Variants in PVT1 observed in about 807,000 individuals in gnomAD.
The protein encoded by PVT1 is Pvt1 oncogene.
In PVT1 at chr8:128,038,537, C is replaced by T. The variant is rs78328105; in HGVS notation, n.913-31623C>T. On this transcript the variant is annotated intron_variant and non_coding_transcript_variant, in intron 4 of 10. Transcript: ENST00000651587. ...ACGTGAATGGGCTTGAGGGTGCTGG[C>T]CTCTGGAGTAACAAGCCTCTGTAAA... is the stretch of plus-strand genomic sequence containing the variant. Among the ~76,000 whole-genome samples the T allele has an allele frequency of 6.5e-3, 992 of 152,266 alleles. 11 individuals are homozygous for T. Among genetic ancestry groups the T allele is most frequent in the East Asian group, 0.044 (228 of 5,170 alleles).
chr8:128,090,235 T>C (rs1814333354), intron 5 of PVT1, among the ~76,000 whole-genome samples: 1 of 152,216 alleles, frequency 6.6e-6, no homozygotes, highest in Admixed American at 6.5e-5. Context: ...CTGGAGTTTT[T>C]ACTTTCAAAT....
chr8:127,796,576 C>T (rs1050974664), intron 2 of PVT1, among the ~76,000 whole-genome samples: 20 of 152,246 alleles, frequency 1.3e-4, no homozygotes, highest in South Asian at 4.1e-4. Flanking sequence ...AAGATGGACA[C>T]GTTTCTCTGG....
intron 2 of PVT1, among the ~76,000 whole-genome samples, chr8:127,861,977 G>A (rs989718350): frequency 6.6e-6 from 1 of 152,128 alleles, no homozygotes; most frequent in Non-Finnish European, 1.5e-5. Flanking sequence ...GAATTTAATA[G>A]GGTCTTGATG....
At chr8:128,013,291 T>C (rs1339238424) in intron 4 of PVT1, among the ~76,000 whole-genome samples, 1 of 152,238 alleles carries the variant, frequency 6.6e-6, no homozygotes, top group African/African-American at 2.4e-5. Context: ...GTTGAATAGT[T>C]AGGGTTCCAC....
intron 2 of PVT1, among the ~76,000 whole-genome samples, chr8:127,880,764 C>G (rs1473238903): frequency 3.9e-5 from 6 of 152,010 alleles, no homozygotes; most frequent in Admixed American, 3.3e-4. Context: ...CCATGACTGG[C>G]TAATTTTTTG....
At position 128,089,784 on chromosome 8, in the gene PVT1, C is replaced by T. The variant is rs1281128369; in HGVS notation, n.1115-6734C>T. On this transcript the variant is annotated intron_variant and non_coding_transcript_variant, in intron 5 of 10. Transcript: ENST00000651587. ...TGCAGACAAACCAGGAGGATTTCCA[C>T]AGGGAAGCTGAAAGGGGAAAACAAC... is the stretch of plus-strand genomic sequence containing the variant. 1.3e-5 allele frequency among the ~76,000 whole-genome samples: 2 copies of T among 152,128 alleles called. 1 individual carries two copies. Among genetic ancestry groups the T allele is most frequent in the Admixed American group, 1.3e-4 (2 of 15,280 alleles).
intron 3 of PVT1, among the ~76,000 whole-genome samples, chr8:127,910,788 A>G (rs904375948): frequency 2.0e-5 from 3 of 152,174 alleles, no homozygotes; most frequent in African/African-American, 4.8e-5. Flanking sequence ...TATAATGTCT[A>G]ATGTCACACT....
At chr8:128,063,094 T>C (rs1813852108) in intron 4 of PVT1, among the ~76,000 whole-genome samples, 1 of 152,232 alleles carries the variant, frequency 6.6e-6, no homozygotes, top group Non-Finnish European at 1.5e-5. Flanking sequence ...TGAATTAGTT[T>C]ACCCTTTCTT....
chr8:127,842,256 A>ATTT (rs11347742), intron 2 of PVT1, among the ~76,000 whole-genome samples: 1 of 140,864 alleles, frequency 7.1e-6, no homozygotes, highest in Non-Finnish European at 1.5e-5. Context: ...ACTGCTCTGG[A>ATTT]TTTTTTTTTT....
chr8:128,023,543 A>G (rs1202564930), intron 4 of PVT1, among the ~76,000 whole-genome samples: 1 of 152,218 alleles, frequency 6.6e-6, no homozygotes, highest in African/African-American at 2.4e-5. Context: ...CTGCCAGGGC[A>G]TGGGTTGGTT....
chr8:127,877,801 C>T (rs994384431), intron 2 of PVT1, among the ~76,000 whole-genome samples: 4 of 152,010 alleles, frequency 2.6e-5, no homozygotes, highest in Admixed American at 1.3e-4. Context: ...TGGCTCGCAC[C>T]CGTAGTCCCA....
chr8:127,908,758 G>T (rs1815854604), intron 3 of PVT1, among the ~76,000 whole-genome samples: 3 of 152,194 alleles, frequency 2.0e-5, no homozygotes, highest in South Asian at 4.1e-4. Context: ...GTCGGATGGA[G>T]GAACTCCTTG....
intron 4 of PVT1, among the ~76,000 whole-genome samples, chr8:128,002,337 T>C (rs990299240): frequency 6.6e-6 from 1 of 152,178 alleles, no homozygotes; most frequent in Non-Finnish European, 1.5e-5. Flanking sequence ...GTGTGACATT[T>C]TCCTCCCATT....
intron 4 of PVT1, among the ~76,000 whole-genome samples, chr8:128,027,806 C>G (rs756350797): frequency 6.6e-6 from 1 of 152,198 alleles, no homozygotes; most frequent in Non-Finnish European, 1.5e-5. Flanking sequence ...CAATGAATTT[C>G]CCAGAATGCA....
At chr8:128,066,040 T>A (rs1317438636) in intron 4 of PVT1, among the ~76,000 whole-genome samples, 1 of 152,182 alleles carries the variant, frequency 6.6e-6, no homozygotes, top group African/African-American at 2.4e-5. Flanking sequence ...ACAATTACTA[T>A]GAAGAAAATA....
intron 2 of PVT1, among the ~76,000 whole-genome samples, chr8:127,869,094 G>T (rs1425154513): frequency 6.6e-6 from 1 of 151,892 alleles, no homozygotes. Context: ...TTTATAAGCA[G>T]TTGTTAGTAA....
At chr8:127,884,598 CG>C (rs1815504385) in intron 2 of PVT1, among the ~76,000 whole-genome samples, 1 of 152,202 alleles carries the variant, frequency 6.6e-6, no homozygotes, top group African/African-American at 2.4e-5. Flanking sequence ...TTCACCAGCA[CG>C]TATGAATTCC....
intron 2 of PVT1, among the ~76,000 whole-genome samples, chr8:127,827,862 G>T (rs562830592): frequency 2.0e-4 from 30 of 152,130 alleles, no homozygotes; most frequent in South Asian, 4.2e-4. Flanking sequence ...CTTCATTCTG[G>T]CCCGAAGCCC....
intron 2 of PVT1, among the ~76,000 whole-genome samples, chr8:127,843,381 G>A (rs1814994209): frequency 6.6e-6 from 1 of 152,122 alleles, no homozygotes. Flanking sequence ...TAATATGGTT[G>A]GAAGAGGTTT....
Sources: allele counts gnomAD v4.1 joint callset (sites outside exome capture counted in the v4.1 genomes callset), GRCh38; gene constraint gnomAD v4.1.1; transcripts MANE v1.5; gene names NCBI Gene and HGNC (gene_info 2026-07-23, HGNC 2026-07-21).